TBCK: variants seen among roughly 807,000 people sequenced by gnomAD.
The protein encoded by TBCK is TBC domain-containing protein kinase-like protein.
A neutral mutation model predicts 113.4 loss-of-function variants in TBCK; 99 were observed. The observed-to-expected ratio is 0.87, with a 90% CI of 0.74 to 1.03. The LOEUF is 1.03. Among genes scored for constraint, TBCK ranks in the 50% least tolerant of loss-of-function variants. The probability of loss-of-function intolerance (pLI) is 0.00; values close to 1 mark genes in which losing one functional copy is unlikely to be tolerated. For synonymous variants in TBCK, 369 were observed against 370.8 expected (o/e 1.00, Z 0.05); for missense variants, 1,045 against 1,061.3 (o/e 0.98, Z 0.21).
At position 106,141,177 on chromosome 4, in the gene TBCK, A is replaced by G. The variant is rs989779430; in HGVS notation, c.2236-24799T>C. On this transcript the variant is annotated intron_variant, in intron 23 of 25. Transcript: ENST00000394708. ...TTATTTAATATTGTTCTAGAGAAAA[A>G]GGTGAAGCAATTAAATAATAGAAAG... Among the ~76,000 whole-genome samples the G allele has an allele frequency of 6.5e-5, 9 of 138,992 alleles. 2 individuals carry two copies. Among genetic ancestry groups the G allele is most frequent in the African/African-American group, 1.8e-4 (7 of 39,944 alleles). The allele number at this position is 138,992 out of a possible 152,430, so 91.2% of individuals were successfully genotyped here.
intron 23 of TBCK, among the ~76,000 whole-genome samples, chr4:106,169,606 A>C (rs1015925776): frequency 1.3e-5 from 2 of 152,066 alleles, no homozygotes; most frequent in African/African-American, 4.8e-5. Flanking sequence ...TTTGGCACCA[A>C]GGACTGTCTT....
At chr4:106,216,966 C>T (rs1757020909) in intron 19 of TBCK, among the ~76,000 whole-genome samples, 1 of 152,150 alleles carries the variant, frequency 6.6e-6, no homozygotes, top group African/African-American at 2.4e-5. Flanking sequence ...CAAAAATCCT[C>T]AATAAAATAC....
At chr4:106,179,306 C>T (rs1032776115) in intron 22 of TBCK, among the ~76,000 whole-genome samples, 7 of 152,026 alleles carry the variant, frequency 4.6e-5, no homozygotes, top group Middle Eastern at 3.4e-3. Flanking sequence ...TCCTGCTTTT[C>T]TACTTCCTTG....
chr4:106,285,760 C>A (rs1765051862), intron 3 of TBCK, among the ~76,000 whole-genome samples: 1 of 152,152 alleles, frequency 6.6e-6, no homozygotes, highest in African/African-American at 2.4e-5. Flanking sequence ...GTTGCAACCC[C>A]ATCTAAATAG....
At chr4:106,065,285 T>C (rs767460267) in intron 25 of TBCK, among the ~76,000 whole-genome samples, 19 of 152,078 alleles carry the variant, frequency 1.2e-4, no homozygotes, top group Non-Finnish European at 2.2e-4. Flanking sequence ...GCTTCAGTTT[T>C]GTAAGAGGTA....
chr4:106,237,544 G>A, intron 12 of TBCK: 1 of 455,460 alleles, frequency 2.2e-6, no homozygotes, highest in South Asian at 1.6e-5. Flanking sequence ...TGCTCCTATG[G>A]GGATTGACAT....
At chr4:106,271,035 T>C (rs1282733188) in intron 3 of TBCK, among the ~76,000 whole-genome samples, 1 of 152,168 alleles carries the variant, frequency 6.6e-6, no homozygotes, top group Admixed American at 6.5e-5. Flanking sequence ...AAAATAATAC[T>C]TTAATAGCCA....
At chr4:106,289,909 G>A (rs2125824742) in intron 3 of TBCK, among the ~76,000 whole-genome samples, 1 of 152,206 alleles carries the variant, frequency 6.6e-6, no homozygotes, top group South Asian at 2.1e-4. Flanking sequence ...TAAGGAAAAT[G>A]ATTAAGAGAC....
intron 22 of TBCK, among the ~76,000 whole-genome samples, chr4:106,186,452 T>G (rs553063395): frequency 2.0e-5 from 3 of 152,340 alleles, no homozygotes; most frequent in African/African-American, 7.2e-5. Context: ...AGTATCTCAT[T>G]GTGGTTTTGA....
chr4:106,267,597 A>C (rs914941253), intron 3 of TBCK, among the ~76,000 whole-genome samples: 1 of 152,040 alleles, frequency 6.6e-6, no homozygotes, highest in African/African-American at 2.4e-5. Context: ...GACCTACAAA[A>C]GTCATAAATC....
chr4:106,057,211 G>A (rs1166790879), intron 25 of TBCK, among the ~76,000 whole-genome samples: 1 of 151,656 alleles, frequency 6.6e-6, no homozygotes, highest in African/African-American at 2.4e-5. Flanking sequence ...TAGATAGTGA[G>A]AGACTGAAAG....
At chr4:106,227,430 T>C (rs1758362645) in intron 19 of TBCK, among the ~76,000 whole-genome samples, 1 of 151,108 alleles carries the variant, frequency 6.6e-6, no homozygotes, top group African/African-American at 2.5e-5. Context: ...CTTTTTTGAG[T>C]TTACATTTTC....
intron 20 of TBCK, among the ~76,000 whole-genome samples, chr4:106,198,710 T>C (rs1754536150): frequency 6.6e-6 from 1 of 152,146 alleles, no homozygotes; most frequent in South Asian, 2.1e-4. Flanking sequence ...CTATACTTAA[T>C]TCTGGGTATA....
chr4:106,292,362 G>A (rs1765812863), intron 3 of TBCK, among the ~76,000 whole-genome samples: 1 of 152,042 alleles, frequency 6.6e-6, no homozygotes, highest in Non-Finnish European at 1.5e-5. Context: ...ATGAGGTCAG[G>A]AGATCGAGAT....
intron 21 of TBCK, among the ~76,000 whole-genome samples, chr4:106,194,482 G>C (rs2149816083): frequency 6.6e-6 from 1 of 152,064 alleles, no homozygotes; most frequent in East Asian, 1.9e-4. Context: ...AAGGGGGGCA[G>C]AGTTTGTACA....
At chr4:106,094,514 A>AT (rs58166278) in intron 25 of TBCK, among the ~76,000 whole-genome samples, 13 of 152,170 alleles carry the variant, frequency 8.5e-5, no homozygotes, top group African/African-American at 2.2e-4. Context: ...TAAAAAAAAA[A>AT]TAAAGTTTTA....
intron 1 of TBCK, among the ~76,000 whole-genome samples, chr4:106,310,986 TAAAC>T (rs1477929972): frequency 2.0e-5 from 3 of 151,930 alleles, no homozygotes; most frequent in South Asian, 4.2e-4. Flanking sequence ...CATGAGAAGA[TAAAC>T]AACCTCATGA....
chr4:106,129,736 A>G (rs1578994740), intron 23 of TBCK, among the ~76,000 whole-genome samples: 1 of 152,252 alleles, frequency 6.6e-6, no homozygotes, highest in Non-Finnish European at 1.5e-5. Flanking sequence ...TCATAGAAAT[A>G]CAAAAAGTAG....
At chr4:106,172,820 C>T (rs144618363) in intron 22 of TBCK, among the ~76,000 whole-genome samples, 1 of 152,176 alleles carries the variant, frequency 6.6e-6, no homozygotes, top group East Asian at 1.9e-4. Flanking sequence ...TTAATTCTTA[C>T]AATGATTTTA....
Sources: allele counts gnomAD v4.1 joint callset (sites outside exome capture counted in the v4.1 genomes callset), GRCh38; gene constraint gnomAD v4.1.1; transcripts MANE v1.5; gene names NCBI Gene and HGNC (gene_info 2026-07-23, HGNC 2026-07-21).